The following LRRK2 variants were observed in gnomAD, a reference collection of about 807,000 sequenced individuals.
LRRK2 encodes leucine rich repeat kinase 2.
A neutral mutation model predicts 302.6 loss-of-function variants in LRRK2; 203 were observed. That is an observed-to-expected ratio of 0.67 (90% CI 0.60 to 0.75). The LOEUF (loss-of-function observed/expected upper bound fraction) is 0.75, where lower values mean the gene tolerates loss of function less well. Ranked by LOEUF, LRRK2 falls within the 30% of genes least tolerant of loss-of-function variation. The pLI, the probability that LRRK2 is intolerant of heterozygous loss-of-function variation, is 0.00. For synonymous variants in LRRK2, 1,066 were observed against 1,031.9 expected (o/e 1.03, Z -0.63); for missense variants, 2,830 against 2,951.0 (o/e 0.96, Z 0.95).
intron 18 of LRRK2, among the ~76,000 whole-genome samples, chr12:40,278,939 C>G (rs1943572749): frequency 1.3e-5 from 2 of 151,994 alleles, no homozygotes; most frequent in Non-Finnish European, 2.9e-5. Context: ...CTCTTGTATA[C>G]TTGGTGAGTT....
At position 40,322,314 on chromosome 12, in the gene LRRK2, T is replaced by G; in HGVS notation, c.5318-5T>G. On this transcript the variant is annotated splice_region_variant and splice_polypyrimidine_tract_variant and intron_variant, in intron 36 of 50. Coordinates refer to ENST00000298910, the MANE Select transcript of LRRK2 (RefSeq NM_198578.4). ...AGGTGTTGAGCTCTGTTTTGAATCA[T>G]GTAGGCTGTATTCTTTTGGGCCAAG... The G allele has an allele frequency of 6.2e-7, 1 of 1,613,528 alleles. No homozygotes were observed. Among genetic ancestry groups the G allele is most frequent in the South Asian group, 1.1e-5 (1 of 91,076 alleles).
chr12:40,265,794 C>CA (rs1223896165), intron 14 of LRRK2, among the ~76,000 whole-genome samples: 1 of 151,918 alleles, frequency 6.6e-6, no homozygotes, highest in Non-Finnish European at 1.5e-5. Context: ...GTACTGGTAC[C>CA]AAAAAAGAGA....
chr12:40,334,815 G>A (rs762947622), intron 39 of LRRK2, 152 bp from the exon 40 acceptor site: 27 of 906,090 alleles, frequency 3.0e-5, no homozygotes, highest in South Asian at 4.4e-5. Flanking sequence ...CTGAAAATAC[G>A]GGAAAAAAAA....
At position 40,309,174 on chromosome 12, in the gene LRRK2, G is replaced by T; in HGVS notation, c.4258G>T (p.Asp1420Tyr). The T allele has an allele frequency of 6.2e-7, 1 of 1,613,726 alleles. No individual in the cohort carries two copies. Among genetic ancestry groups the T allele is most frequent in the South Asian group, 1.1e-5 (1 of 91,046 alleles). ...TQRALYLAVY[D>Y]LSKGQAEVDA... ...GCGAGCATTGTACCTTGCTGTCTAT[G>T]ACCTCAGCAAGGGACAGGCTGAAGT... Residue 1420 changes from aspartate (D) to tyrosine (Y), a missense_variant, in exon 30 of 51, where the codon GAC becomes TAC. By Grantham distance (160) the Asp-to-Tyr change is radical (BLOSUM62 -3). Transcript: ENST00000298910.
chr12:40,229,955 C>CTTTTTTTTT (rs71078229), intron 2 of LRRK2, among the ~76,000 whole-genome samples: 4 of 92,926 alleles, frequency 4.3e-5, no homozygotes, highest in Non-Finnish European at 4.2e-5. Context: ...TCCTATGTGA[C>CTTTTTTTTT]TTTTTTTTTT....
At chr12:40,247,499 T>C (rs1474013297) in intron 7 of LRRK2, among the ~76,000 whole-genome samples, 4 of 137,652 alleles carry the variant, frequency 2.9e-5, no homozygotes, top group African/African-American at 1.1e-4. Flanking sequence ...TGTATATATA[T>C]TTACACATGT....
chr12:40,238,851 A>C (rs963380156), intron 5 of LRRK2, among the ~76,000 whole-genome samples: 2 of 152,202 alleles, frequency 1.3e-5, no homozygotes, highest in African/African-American at 4.8e-5. Flanking sequence ...ATAACTGTTG[A>C]ATTCCCTGTC....
rs1163803980 is a variant in LRRK2 at position 40,323,671 on chromosome 12, G to A, written c.5656+365G>A. On this transcript the variant is annotated intron_variant, in intron 38 of 50. Transcript: ENST00000298910. ...TAAAATGACAGAATAGGTAAAGGAAGCACACCTCAGTGTAGCCATAGCAGG... is the reference window on the plus strand; with the variant it reads ...TAAAATGACAGAATAGGTAAAGGAAACACACCTCAGTGTAGCCATAGCAGG... Among the ~76,000 whole-genome samples the A allele has an allele frequency of 3.9e-5, 6 of 152,192 alleles. No homozygotes were observed. The East Asian group carries it at 9.6e-4, about 24-fold the overall frequency.
intron 38 of LRRK2, among the ~76,000 whole-genome samples, chr12:40,327,912 C>A (rs1451222072): frequency 6.6e-6 from 1 of 152,172 alleles, no homozygotes; most frequent in Non-Finnish European, 1.5e-5. Flanking sequence ...GTCTTGTTAT[C>A]ATCAGCTATA....
At chr12:40,299,303 G>A in intron 25 of LRRK2, 46 bp downstream of exon 25, 1 of 1,602,958 alleles carries the variant, frequency 6.2e-7, no homozygotes, top group South Asian at 1.1e-5. Flanking sequence ...CCTCTAAGTT[G>A]TACAAGATGA....
intron 16 of LRRK2, 128 bp downstream of exon 16, chr12:40,275,121 T>A: frequency 9.8e-7 from 1 of 1,021,256 alleles, no homozygotes; most frequent in Non-Finnish European, 1.5e-6. Context: ...CCTTTTGTAG[T>A]ATTTTAATTA....
At chr12:40,227,987 GA>G (rs1471003653) in intron 2 of LRRK2, 1 of 152,046 alleles carries the variant, frequency 6.6e-6, no homozygotes, top group Non-Finnish European at 1.5e-5. Context: ...TTAATCTGTT[GA>G]TAGACATATA....
intron 35 of LRRK2, 137 bp downstream of exon 35, chr12:40,321,325 G>C: frequency 1.2e-6 from 1 of 842,500 alleles, no homozygotes; most frequent in Non-Finnish European, 1.8e-6. Flanking sequence ...GAAGGCAGCT[G>C]AAGAATTAGA....
At position 40,334,983 on chromosome 12, in the gene LRRK2, G is replaced by A; in HGVS notation, c.5774G>A (p.Cys1925Tyr). Residue 1925 changes from cysteine to tyrosine, a missense_variant, in exon 40 of 51, where the codon TGC (cysteine) becomes TAC (tyrosine). Cys to Tyr is a radical substitution (Grantham distance 194). Around this residue, in one of 3 missense-constraint regions of LRRK2, gnomAD observed 253 missense variants for 346.7 expected, o/e 0.73. Transcript: ENST00000298910. Reference protein sequence around the residue: ...RLLRQELVVLCHLHHPSLISL... With the variant: ...RLLRQELVVLYHLHHPSLISL... ...CTTTTGCAGGAGCTTGTGGTGCTTT[G>A]CCACCTCCACCACCCCAGTTTGATA... 6.2e-7 allele frequency: 1 copy of A among 1,613,922 alleles called. No individual in the cohort carries two copies. The highest frequency in any genetic ancestry group is 1.1e-5 in the South Asian group (1 of 91,070).
chr12:40,287,380 A>G lies in LRRK2; in HGVS notation c.2530A>G (p.Ile844Val). The G allele has an allele frequency of 1.2e-6, 2 of 1,612,470 alleles. No homozygotes were observed. The highest frequency in any genetic ancestry group is 1.7e-6 in the Non-Finnish European group (2 of 1,178,932). The part of the protein sequence containing the change: ...NIASTLARMV[I>V]RYQMKSAVEE... The stretch of plus-strand genomic sequence containing the variant: ...AGCATCTACACTAGCAAGAATGGTG[A>G]TCAGATATCAGATGAAAAGTGCTGT... The change falls in exon 20 of 51, where the codon ATC becomes GTC. Residue 844 changes from isoleucine (I) to valine (V), a missense_variant. Physicochemically the swap from Ile to Val is conservative, Grantham distance 29. Around this residue, in one of 3 missense-constraint regions of LRRK2, gnomAD observed 2,121 missense variants for 2,148.0 expected, o/e 0.99. Coordinates refer to ENST00000298910, the MANE Select transcript of LRRK2 (RefSeq NM_198578.4).
chr12:40,227,111 G>T (rs1016218195), intron 2 of LRRK2, among the ~76,000 whole-genome samples: 1 of 152,138 alleles, frequency 6.6e-6, no homozygotes, highest in African/African-American at 2.4e-5. Context: ...TAGTATTTCT[G>T]CCTAGAGAGT....
intron 7 of LRRK2, 95 bp downstream of exon 7, chr12:40,243,776 T>C: frequency 8.8e-7 from 1 of 1,140,096 alleles, no homozygotes; most frequent in South Asian, 1.3e-5. Context: ...AAGTAGCATA[T>C]TGACATACTT....
intron 39 of LRRK2, among the ~76,000 whole-genome samples, chr12:40,333,458 A>G (rs1302842277): frequency 2.6e-5 from 4 of 152,192 alleles, no homozygotes; most frequent in South Asian, 2.1e-4. Flanking sequence ...CAACAGAGTT[A>G]CAGTTTCAGA....
Position 40,367,000 on chromosome 12 carries a change from G to A in LRRK2, c.7391-6G>A. On this transcript the variant is annotated splice_region_variant and splice_polypyrimidine_tract_variant and intron_variant, in intron 49 of 50. Transcript: ENST00000298910. ...CAGAAAACTTACATATTTTGTTTTT[G>A]TAAAGGAAGCCTTAAAAATGTCATG... The A allele has an allele frequency of 1.9e-6, 3 of 1,605,574 alleles. No homozygotes were observed. Among genetic ancestry groups the A allele is most frequent in the Non-Finnish European group, 2.6e-6 (3 of 1,174,090 alleles).
Sources: gnomAD v4.1 joint callset for allele counts (sites outside exome capture counted in the v4.1 genomes callset) on GRCh38, gnomAD v4.1.1 for gene constraint, gnomAD v4.1.1 regional missense constraint, MANE v1.5 for transcripts, NCBI Gene and HGNC (gene_info 2026-07-23, HGNC 2026-07-21) for gene names.